Variants in CEP57L1 observed in about 807,000 individuals in gnomAD.
The protein encoded by CEP57L1 is centrosomal protein 57 like 1, also known as centrosomal protein CEP57L1.
In CEP57L1, 37 loss-of-function variants were observed where a neutral mutation model predicts 61.0. That is an observed-to-expected ratio of 0.61 (90% CI 0.47 to 0.80). CEP57L1 has a LOEUF of 0.80. Among genes scored for constraint, CEP57L1 ranks in the 30% least tolerant of loss-of-function variants. CEP57L1 has a pLI of 0.00. For missense variants in CEP57L1, 422 were observed against 524.7 expected (o/e 0.80, Z 1.91); for synonymous variants, 137 against 162.3 (o/e 0.84, Z 1.19).
chr6:109,136,520 A>G (rs1266515573), intron 1 of CEP57L1, among the ~76,000 whole-genome samples: 1 of 151,814 alleles, frequency 6.6e-6, no homozygotes, highest in Admixed American at 6.6e-5. Flanking sequence ...CATATGTAAC[A>G]AACCTGCACG....
intron 1 of CEP57L1, among the ~76,000 whole-genome samples, chr6:109,116,927 T>C (rs1772374287): frequency 6.6e-6 from 1 of 152,188 alleles, no homozygotes; most frequent in South Asian, 2.1e-4. Context: ...AGAAAACATT[T>C]ATCACATATT....
chr6:109,151,571 T>C (rs567610281), intron 4 of CEP57L1, among the ~76,000 whole-genome samples: 3 of 152,308 alleles, frequency 2.0e-5, no homozygotes, highest in African/African-American at 7.2e-5. Flanking sequence ...TGGTCAATTA[T>C]CCTTTCAGGA....
chr6:109,105,507 C>A (rs1040684760), intron 1 of CEP57L1, among the ~76,000 whole-genome samples: 1 of 152,092 alleles, frequency 6.6e-6, no homozygotes, highest in South Asian at 2.1e-4. Context: ...AGTTTATTTA[C>A]TCTCTTTTCT....
intron 2 of CEP57L1, 131 bp from the exon 3 acceptor site, chr6:109,146,627 A>T: frequency 3.5e-6 from 2 of 573,880 alleles, no homozygotes; most frequent in Admixed American, 7.7e-5. Flanking sequence ...TCATTTTTTG[A>T]AGAATATGCA....
At chr6:109,120,820 T>C (rs182791072) in intron 1 of CEP57L1, among the ~76,000 whole-genome samples, 3 of 152,194 alleles carry the variant, frequency 2.0e-5, no homozygotes, top group African/African-American at 7.2e-5. Context: ...CCCTTGTTTC[T>C]ATGGGAAAGT....
chr6:109,169,773 G>A lies in CEP57L1; in HGVS notation c.*6803G>A, dbSNP rs963762181. The stretch of plus-strand genomic sequence containing the variant: ...AACCAATAAGAATGTGAGATTTGTC[G>A]GAGAAAAACTATCTGCATGTCTCCA... On this transcript the variant is annotated 3_prime_UTR_variant, in exon 11 of 11. Coordinates refer to ENST00000517392, the MANE Select transcript of CEP57L1 (RefSeq NM_001271852.3). Among the ~76,000 whole-genome samples the A allele has an allele frequency of 8.5e-5, 13 of 152,066 alleles. No individual in the cohort carries two copies. The highest frequency in any genetic ancestry group is 1.9e-4 in the African/African-American group (8 of 41,402).
chr6:109,113,278 C>G (rs957789050), intron 1 of CEP57L1, among the ~76,000 whole-genome samples: 8 of 151,974 alleles, frequency 5.3e-5, no homozygotes, highest in East Asian at 1.9e-4. Flanking sequence ...TGGATCGTCC[C>G]CTCTTCCCCT....
Position 109,168,152 on chromosome 6 carries a change from C to A in CEP57L1, c.*5182C>A, listed in dbSNP as rs1015747566. Among the ~76,000 whole-genome samples, 7 of 152,162 alleles carry A rather than the reference C, an allele frequency of 4.6e-5. No homozygotes were observed. The highest frequency in any genetic ancestry group is 1.0e-4 in the Non-Finnish European group (7 of 68,024). On this transcript the variant is annotated 3_prime_UTR_variant, in exon 11 of 11. Coordinates refer to ENST00000517392, the MANE Select transcript of CEP57L1 (RefSeq NM_001271852.3). The stretch of plus-strand genomic sequence containing the variant: ...ATCTATCTTGATTTATATACCTTCA[C>A]CTTTTTAAATTTTTTGCCTGGTAGC...
intron 1 of CEP57L1, among the ~76,000 whole-genome samples, chr6:109,097,193 C>T (rs1043331360): frequency 2.6e-5 from 4 of 152,146 alleles, no homozygotes; most frequent in African/African-American, 9.7e-5. Context: ...TGAAGTTCTG[C>T]CAACCTTATC....
chr6:109,140,596 CACCATGCTG>C (rs1771258514), intron 1 of CEP57L1: 1 of 151,694 alleles, frequency 6.6e-6, no homozygotes, highest in Non-Finnish European at 1.5e-5. Context: ...GACGGGGTTT[CACCATGCTG>C]GCCAGGCTGG....
Position 109,159,084 on chromosome 6 carries a change from G to T in CEP57L1, c.804G>T (p.Leu268=), listed in dbSNP as rs773961925. 3.1e-6 allele frequency: 5 copies of T among 1,613,952 alleles called. No homozygotes were observed. Among genetic ancestry groups the T allele is most frequent in the Non-Finnish European group, 4.2e-6 (5 of 1,179,908 alleles). The change falls in exon 8 of 11, where the codon CTG becomes CTT. Residue 268 remains leucine, a synonymous_variant. Transcript: ENST00000517392. ...PWQICSKFGA[L]PFVAEKMRQH... ...AAATTTGTTCAAAGTTTGGAGCACT[G>T]CCTTTTGTGGCTGAAAAGGTGAGAG...
rs1320327480 is a variant in CEP57L1 at position 109,163,050 on chromosome 6, CTT to C, written c.*82_*83del. 1.0e-5 allele frequency: 9 copies of C among 861,068 alleles called. No individual in the cohort carries two copies. The highest frequency in any genetic ancestry group is 3.5e-4 in the Middle Eastern group (1 of 2,838). 53.3% of individuals were successfully genotyped at this position (861,068 alleles called of 1,614,324 possible). ...CTAAAGTGGTTTTAATTTAATATAA[CTT>C]TGTGACATTTTGAATCATGTTTCTA... On this transcript the variant is annotated 3_prime_UTR_variant, in exon 11 of 11. Coordinates refer to ENST00000517392, the MANE Select transcript of CEP57L1 (RefSeq NM_001271852.3).
chr6:109,127,733 G>T (rs1008173454), intron 1 of CEP57L1, among the ~76,000 whole-genome samples: 2 of 151,644 alleles, frequency 1.3e-5, no homozygotes, highest in African/African-American at 4.8e-5. Flanking sequence ...CGATTCTCCT[G>T]CCTCAGCCTC....
At chr6:109,160,476 C>T (rs1284279121) in intron 9 of CEP57L1, 96 bp from the exon 10 acceptor site, 3 of 994,702 alleles carry the variant, frequency 3.0e-6, no homozygotes, top group East Asian at 5.5e-5. Flanking sequence ...TTAACTCTGA[C>T]TAAAATTTAT....
In CEP57L1 at chr6:109,152,926, C is replaced by T. The variant is rs183993556; in HGVS notation, c.463-907C>T. Among the ~76,000 whole-genome samples the T allele has an allele frequency of 5.5e-4, 83 of 151,692 alleles. 1 individual carries two copies. Among genetic ancestry groups the T allele is most frequent in the African/African-American group, 1.4e-3 (56 of 41,376 alleles). On this transcript the variant is annotated intron_variant, in intron 4 of 10. Transcript: ENST00000517392. ...GAGTTCGAGACCAGCCTGAGCAACA[C>T]GGTGAAACCACGTCTCTACTAAAAA...
In CEP57L1 at chr6:109,166,466, C is replaced by T. The variant is rs1236055073; in HGVS notation, c.*3496C>T. 1.3e-5 allele frequency among the ~76,000 whole-genome samples: 2 copies of T among 151,646 alleles called. No individual in the cohort carries two copies. The highest frequency in any genetic ancestry group is 2.9e-5 in the Non-Finnish European group (2 of 67,936). ...TGGCACGATCTCAGCTCACTGCAAC[C>T]TCCACCTCTCAGGTTCAAGCTATTC... is the stretch of plus-strand genomic sequence containing the variant. On this transcript the variant is annotated 3_prime_UTR_variant, in exon 11 of 11. Coordinates refer to ENST00000517392, the MANE Select transcript of CEP57L1 (RefSeq NM_001271852.3).
chr6:109,127,868 TC>T (rs1773752168), intron 1 of CEP57L1, among the ~76,000 whole-genome samples: 1 of 151,948 alleles, frequency 6.6e-6, no homozygotes, highest in African/African-American at 2.4e-5. Flanking sequence ...GACCTCGTGA[TC>T]CGCCCGCCTC....
intron 1 of CEP57L1, among the ~76,000 whole-genome samples, chr6:109,120,606 C>CG (rs1372290230): frequency 6.6e-6 from 1 of 151,932 alleles, no homozygotes; most frequent in Non-Finnish European, 1.5e-5. Flanking sequence ...AACATGTTAA[C>CG]GGGGGTTCTG....
chr6:109,132,551 A>G (rs1774309392), intron 1 of CEP57L1, among the ~76,000 whole-genome samples: 1 of 152,226 alleles, frequency 6.6e-6, no homozygotes, highest in African/African-American at 2.4e-5. Context: ...TAGTGCTGCT[A>G]CAAATATTCT....
Sources: gnomAD v4.1 joint callset for allele counts (sites outside exome capture counted in the v4.1 genomes callset) on GRCh38, gnomAD v4.1.1 for gene constraint, MANE v1.5 for transcripts, NCBI Gene and HGNC (gene_info 2026-07-23, HGNC 2026-07-21) for gene names.